Variants in CCDC7 observed in about 807,000 individuals in gnomAD.
CCDC7 encodes coiled-coil domain containing 7.
In CCDC7, 183 loss-of-function variants were observed where a neutral mutation model predicts 196.9. The ratio of observed to expected loss-of-function variants is 0.93; its 90% confidence interval spans 0.82 to 1.05. The LOEUF (loss-of-function observed/expected upper bound fraction) is 1.05, where lower values mean the gene tolerates loss of function less well. Among genes scored for constraint, CCDC7 ranks in the 50% least tolerant of loss-of-function variants. CCDC7 has a pLI of 0.00. For synonymous variants in CCDC7, 525 were observed against 484.6 expected (o/e 1.08, Z -1.10); for missense variants, 1,540 against 1,482.2 (o/e 1.04, Z -0.64).
chr10:32,686,670 T>C (rs1007006532), intron 22 of CCDC7, among the ~76,000 whole-genome samples: 2 of 152,232 alleles, frequency 1.3e-5, no homozygotes, highest in Non-Finnish European at 2.9e-5. Flanking sequence ...CTTGTGTATT[T>C]GTTGTAATAG....
intron 24 of CCDC7, among the ~76,000 whole-genome samples, chr10:32,708,033 A>G (rs2141801684): frequency 6.6e-6 from 1 of 152,326 alleles, no homozygotes; most frequent in South Asian, 2.1e-4. Flanking sequence ...AAGTCAAAAG[A>G]ACAAAGCTGG....
intron 32 of CCDC7, among the ~76,000 whole-genome samples, 159 bp downstream of exon 33, chr10:32,824,763 C>T (rs1448346902): frequency 6.6e-6 from 1 of 152,132 alleles, no homozygotes; most frequent in Non-Finnish European, 1.5e-5. Flanking sequence ...GTATTATTCT[C>T]AATAGAAAAT....
chr10:32,594,635 A>G (rs562728227), intron 18 of CCDC7, among the ~76,000 whole-genome samples: 11 of 152,208 alleles, frequency 7.2e-5, no homozygotes, highest in South Asian at 2.1e-4. Context: ...GCCAGTTTTC[A>G]AAGGGAACAC....
intron 20 of CCDC7, among the ~76,000 whole-genome samples, chr10:32,643,174 T>A (rs2067148138): frequency 1.3e-5 from 2 of 152,300 alleles, no homozygotes; most frequent in South Asian, 4.1e-4. Flanking sequence ...GTCTTCTTTT[T>A]AAATGCTGCT....
At chr10:32,766,316 G>C (rs2078296679) in intron 28 of CCDC7, among the ~76,000 whole-genome samples, 1 of 151,870 alleles carries the variant, frequency 6.6e-6, no homozygotes, top group Non-Finnish European at 1.5e-5. Flanking sequence ...TTCCTCATTT[G>C]GGCATGCTAC....
In CCDC7 at chr10:32,708,130, A is replaced by T. The variant is rs541932042; in HGVS notation, c.2459-3490A>T. On this transcript the variant is annotated intron_variant, in intron 24 of 41. Transcript: ENST00000639629. Reference sequence around the variant, plus strand: ...TACTGGTACCAAAACAGAGATATAGACCAATGGAAAAGAATAGAGCCCTCA... The same window carrying T: ...TACTGGTACCAAAACAGAGATATAGTCCAATGGAAAAGAATAGAGCCCTCA... 6.6e-5 allele frequency among the ~76,000 whole-genome samples: 10 copies of T among 152,280 alleles called. 1 individual carries two copies. In the South Asian group the frequency reaches 2.1e-3, roughly 32 times the overall value.
At chr10:32,681,647 A>G (rs1383017613) in intron 21 of CCDC7, among the ~76,000 whole-genome samples, 1 of 151,812 alleles carries the variant, frequency 6.6e-6, no homozygotes, top group African/African-American at 2.4e-5. Context: ...ATTGCCAGGT[A>G]GTGCCTTTGT....
At chr10:32,776,452 A>G (rs2134203530) in intron 28 of CCDC7, among the ~76,000 whole-genome samples, 1 of 152,208 alleles carries the variant, frequency 6.6e-6, no homozygotes, top group South Asian at 2.1e-4. Flanking sequence ...CATTACACTC[A>G]TATAACATAC....
intron 21 of CCDC7, among the ~76,000 whole-genome samples, chr10:32,677,272 G>A (rs1053303763): frequency 1.5e-4 from 22 of 150,352 alleles, no homozygotes; most frequent in African/African-American, 5.4e-4. Flanking sequence ...GCTAAATGAC[G>A]AGTTAATGGG....
intron 18 of CCDC7, among the ~76,000 whole-genome samples, chr10:32,601,340 G>A (rs921526705): frequency 6.6e-6 from 1 of 152,128 alleles, no homozygotes; most frequent in Non-Finnish European, 1.5e-5. Flanking sequence ...CAAAGTGCTG[G>A]GATTACAGGC....
At position 32,796,147 on chromosome 10, in the gene CCDC7, G is replaced by A. The variant is rs76831368; in HGVS notation, c.3014-8868G>A. Among the ~76,000 whole-genome samples, 1,201 of 152,044 alleles carry A rather than the reference G, an allele frequency of 7.9e-3. 7 individuals carry two copies. The highest frequency in any genetic ancestry group is 0.02 in the Middle Eastern group (6 of 294). On this transcript the variant is annotated intron_variant, in intron 29 of 41. Coordinates refer to ENST00000639629, the Ensembl canonical transcript of CCDC7. ...TTCCCAGGGATTGAGGCAGGGACAA[G>A]TCGCTGTCTGCTTTGAGTTTTTGTT...
intron 18 of CCDC7, 31 bp from the exon 20 acceptor site, chr10:32,634,222 AT>A: frequency 1.0e-6 from 1 of 982,522 alleles, no homozygotes. Context: ...CTCTTTCTCT[AT>A]TTGGTAGACT....
chr10:32,613,424 C>T (rs1196052143), intron 18 of CCDC7, among the ~76,000 whole-genome samples: 1 of 152,044 alleles, frequency 6.6e-6, no homozygotes, highest in Non-Finnish European at 1.5e-5. Context: ...CAGTTTTGCT[C>T]TGATGTTAGT....
At chr10:32,489,868 G>T (rs2041881568) in intron 8 of CCDC7, among the ~76,000 whole-genome samples, 1 of 151,966 alleles carries the variant, frequency 6.6e-6, no homozygotes, top group Admixed American at 6.6e-5. Context: ...GTGACTCTGT[G>T]GTCTGGGTCA....
At chr10:32,706,883 C>A (rs950118481) in intron 24 of CCDC7, among the ~76,000 whole-genome samples, 1 of 152,140 alleles carries the variant, frequency 6.6e-6, no homozygotes, top group African/African-American at 2.4e-5. Context: ...CCGAATTCTA[C>A]CAGAGGTACA....
chr10:32,711,634 T>A (rs1403604794), exon 25 of CCDC7: 3 of 1,585,254 alleles, frequency 1.9e-6, no homozygotes, highest in Non-Finnish European at 2.6e-6. Context: ...TGATGAAGAA[T>A]CAGGTGAAAA....
rs181254867 is a variant in CCDC7, at chr10:32,703,829, C to T, written c.2459-7791C>T. ...AATCAGCTACTGAGGCTTGTGCATT[C>T]GTCACGTAGTTCTCGTGCCTTGGTT... is the stretch of plus-strand genomic sequence containing the variant. On this transcript the variant is annotated intron_variant, in intron 24 of 41. Coordinates refer to ENST00000639629, the Ensembl canonical transcript of CCDC7. 4.6e-3 allele frequency among the ~76,000 whole-genome samples: 696 copies of T among 152,216 alleles called. 20 individuals are homozygous for T. The highest frequency in any genetic ancestry group is 3.4e-3 in the Middle Eastern group (1 of 294).
intron 11 of CCDC7, among the ~76,000 whole-genome samples, chr10:32,542,403 C>T (rs889054905): frequency 9.9e-5 from 15 of 152,094 alleles, no homozygotes; most frequent in African/African-American, 2.9e-4. Flanking sequence ...GAGGCCGAGG[C>T]GGGCGGATCA....
chr10:32,807,334 A>G lies in CCDC7; in HGVS notation c.3097+2236A>G, dbSNP rs147225984. Among the ~76,000 whole-genome samples the G allele has an allele frequency of 8.8e-3, 1,338 of 152,308 alleles. 15 individuals carry two copies. The highest frequency in any genetic ancestry group is 0.029 in the African/African-American group (1,217 of 41,574). On this transcript the variant is annotated intron_variant, in intron 30 of 41. Transcript: ENST00000639629. The stretch of plus-strand genomic sequence containing the variant: ...CTGGGACTTTAAAATATAGACATGT[A>G]GTATATTCCAGAATGTTAGCACACA...
Sources: gnomAD v4.1 joint callset for allele counts (sites outside exome capture counted in the v4.1 genomes callset) on GRCh38, gnomAD v4.1.1 for gene constraint, MANE v1.5 for transcripts, NCBI Gene and HGNC (gene_info 2026-07-23, HGNC 2026-07-21) for gene names.